PHEX: variants seen among roughly 807,000 people sequenced by gnomAD.
PHEX encodes the protein phosphate-regulating neutral endopeptidase PHEX.
PHEX carries 16 observed loss-of-function variants against 68.0 expected under a neutral mutation model. That is an observed-to-expected ratio of 0.24 (90% CI 0.16 to 0.36). The LOEUF (loss-of-function observed/expected upper bound fraction) is 0.36. Among genes scored for constraint, PHEX ranks in the 10% least tolerant of loss-of-function variants. PHEX has a pLI of 1.00. For synonymous variants in PHEX, 208 were observed against 205.1 expected, an observed-to-expected ratio of 1.01 and a Z score of -0.12; for missense variants, 480 against 575.5, an observed-to-expected ratio of 0.83 and a Z score of 1.70.
At chrX:22,064,797 A>G (rs1383853048) in intron 3 of PHEX, among the ~76,000 whole-genome samples, 2 of 112,546 alleles carry the variant, frequency 1.8e-5, no homozygotes, top group East Asian at 5.5e-4. Flanking sequence ...CTTATGGTAC[A>G]GGGAGAGAGA....
intron 12 of PHEX, 146 bp from the exon 13 acceptor site, chrX:22,168,166 T>C: frequency 2.0e-6 from 1 of 501,790 alleles, no homozygotes. Context: ...TATATATCTA[T>C]ATATTTTTGC....
At chrX:22,088,689 T>C (rs1403313611) in intron 5 of PHEX, among the ~76,000 whole-genome samples, 4 of 111,996 alleles carry the variant, frequency 3.6e-5, no homozygotes, top group African/African-American at 1.3e-4. Flanking sequence ...AATCTTTATG[T>C]ATTCTAGATA....
At chrX:22,077,891 T>C (rs1929230112) in intron 5 of PHEX, among the ~76,000 whole-genome samples, 189 bp downstream of exon 5, 1 of 112,190 alleles carries the variant, frequency 8.9e-6, no homozygotes, top group African/African-American at 3.2e-5. Context: ...ACAAGTTTTG[T>C]AAGCCTTTTG....
intron 13 of PHEX, among the ~76,000 whole-genome samples, chrX:22,174,229 C>G (rs2147124320): frequency 8.9e-6 from 1 of 112,031 alleles, no homozygotes; most frequent in Admixed American, 9.5e-5. Context: ...TCAACTTGAC[C>G]TAGACTTTTT....
chrX:22,236,096 T>C (rs1014630295), intron 20 of PHEX, among the ~76,000 whole-genome samples: 2 of 111,675 alleles, frequency 1.8e-5, no homozygotes, highest in Admixed American at 1.9e-4. Context: ...TGCCCATTAC[T>C]GTCTCTTTGG....
intron 2 of PHEX, among the ~76,000 whole-genome samples, chrX:22,044,354 C>T: frequency 9.0e-6 from 1 of 111,148 alleles, no homozygotes; most frequent in African/African-American, 3.3e-5. Context: ...CTATAAATAC[C>T]AACCAAAAGA....
chrX:22,082,939 A>G (rs1383306585), intron 5 of PHEX, among the ~76,000 whole-genome samples: 1 of 112,109 alleles, frequency 8.9e-6, no homozygotes, highest in Non-Finnish European at 1.9e-5. Context: ...GAGGCATCAC[A>G]TTACCCGATT....
intron 20 of PHEX, among the ~76,000 whole-genome samples, chrX:22,238,860 C>T (rs966994288): frequency 8.9e-6 from 1 of 111,985 alleles, no homozygotes. Context: ...ACAGCCAGCA[C>T]AGCGGTCGAG....
At chrX:22,052,842 G>A (rs1449403310) in intron 3 of PHEX, among the ~76,000 whole-genome samples, 1 of 111,108 alleles carries the variant, frequency 9.0e-6, no homozygotes, top group African/African-American at 3.3e-5. Context: ...TACAGGTTGT[G>A]TACAAAATAC....
chrX:22,167,695 G>C (rs1379693353), intron 12 of PHEX, among the ~76,000 whole-genome samples: 1 of 108,700 alleles, frequency 9.2e-6, no homozygotes, highest in African/African-American at 3.4e-5. Flanking sequence ...GGGTCCCGCT[G>C]TGTTGCCCAG....
chrX:22,038,169 TGCA>T (rs979649927), intron 1 of PHEX, among the ~76,000 whole-genome samples: 17 of 110,461 alleles, frequency 1.5e-4, no homozygotes, highest in Non-Finnish European at 2.8e-4. Flanking sequence ...AGCTTCCAGG[TGCA>T]GCAGCAGCAG....
At chrX:22,064,790 A>C (rs1248000303) in intron 3 of PHEX, among the ~76,000 whole-genome samples, 2 of 112,535 alleles carry the variant, frequency 1.8e-5, no homozygotes, top group Non-Finnish European at 3.7e-5. Flanking sequence ...GTCTGATCTT[A>C]TGGTACAGGG....
chrX:22,054,428 C>A (rs915676936), intron 3 of PHEX, among the ~76,000 whole-genome samples: 1 of 112,163 alleles, frequency 8.9e-6, no homozygotes, highest in Non-Finnish European at 1.9e-5. Context: ...AGCCACCGCA[C>A]CCGGCCACTT....
intron 2 of PHEX, among the ~76,000 whole-genome samples, chrX:22,040,574 G>A (rs1323279672): frequency 8.9e-6 from 1 of 112,218 alleles, no homozygotes; most frequent in Admixed American, 9.4e-5. Context: ...TGAAAAGCCG[G>A]AGGACATGAC....
At chrX:22,088,613 G>A (rs1365231527) in intron 5 of PHEX, among the ~76,000 whole-genome samples, 4 of 111,593 alleles carry the variant, frequency 3.6e-5, no homozygotes, top group Non-Finnish European at 7.5e-5. Flanking sequence ...TTGATGAAGT[G>A]TCTGTTAGAA....
In PHEX at chrX:22,248,738, G is replaced by A. The variant is rs907024068; in HGVS notation, c.*785G>A. Reference sequence around the variant, plus strand: ...TTACATAACAGCAGGGAAACTAGGAGATGAAATCTCCAAAATTTTGTCCAG... The same window carrying A: ...TTACATAACAGCAGGGAAACTAGGAAATGAAATCTCCAAAATTTTGTCCAG... On this transcript the variant is annotated 3_prime_UTR_variant, in exon 22 of 22. Coordinates refer to ENST00000379374, the MANE Select transcript of PHEX (RefSeq NM_000444.6). The A allele has an allele frequency of 7.1e-5, 8 of 112,125 alleles. No individual in the cohort carries two copies. Among genetic ancestry groups the A allele is most frequent in the African/African-American group, 2.6e-4 (8 of 30,831 alleles). The allele number at this position is 112,125 out of a possible 1,213,427, so 9.2% of individuals were successfully genotyped here.
chrX:22,156,368 A>AAAAGGGGG (rs1325609909), intron 12 of PHEX, among the ~76,000 whole-genome samples: 2 of 109,914 alleles, frequency 1.8e-5, no homozygotes, highest in Non-Finnish European at 3.8e-5. Flanking sequence ...AGTGTCTCTT[A>AAAAGGGGG]AAAGGGGGAT....
At chrX:22,189,477 C>A (rs1383292580) in intron 14 of PHEX, among the ~76,000 whole-genome samples, 1 of 111,527 alleles carries the variant, frequency 9.0e-6, no homozygotes, top group Non-Finnish European at 1.9e-5. Flanking sequence ...TGGCTCACGC[C>A]TGTAGTCCCA....
chrX:22,198,589 A>G (rs948394205), intron 15 of PHEX, among the ~76,000 whole-genome samples: 1 of 111,421 alleles, frequency 9.0e-6, no homozygotes, highest in Non-Finnish European at 1.9e-5. Context: ...TTTGGTGCAA[A>G]GGCGCAGATA....
Sources: gnomAD v4.1 joint callset for allele counts (sites outside exome capture counted in the v4.1 genomes callset) on GRCh38, gnomAD v4.1.1 for gene constraint, MANE v1.5 for transcripts, NCBI Gene and HGNC (gene_info 2026-07-23, HGNC 2026-07-21) for gene names.